CCDC178: variants seen among roughly 807,000 people sequenced by gnomAD.
CCDC178 encodes the protein coiled-coil domain containing 178.
In CCDC178, 126 loss-of-function variants were observed where a neutral mutation model predicts 117.4. The ratio of observed to expected loss-of-function variants is 1.07; its 90% CI spans 0.93 to 1.24. CCDC178 has a LOEUF of 1.24. Ranked by LOEUF, CCDC178 falls within the 50% of genes most tolerant of loss-of-function variation. CCDC178 has a pLI of 0.00. For missense variants in CCDC178, 1,030 were observed against 986.9 expected, an observed-to-expected ratio of 1.04 and a Z score of -0.59; for synonymous variants, 283 against 313.4, an observed-to-expected ratio of 0.90 and a Z score of 1.02.
At chr18:33,355,609 T>C (rs975267584) in intron 7 of CCDC178, among the ~76,000 whole-genome samples, 5 of 152,248 alleles carry the variant, frequency 3.3e-5, no homozygotes, top group Admixed American at 3.3e-4. Flanking sequence ...TCCAGTATAT[T>C]GAGAGATTTT....
chr18:33,346,168 C>A, intron 9 of CCDC178, 43 bp downstream of exon 9: 2 of 1,399,592 alleles, frequency 1.4e-6, no homozygotes, highest in Non-Finnish European at 2.0e-6. Context: ...ATTATCTGTG[C>A]CCCCAACAGA....
At chr18:33,386,715 C>G (rs568966826) in intron 5 of CCDC178, among the ~76,000 whole-genome samples, 24 of 152,058 alleles carry the variant, frequency 1.6e-4, no homozygotes, top group Non-Finnish European at 2.8e-4. Flanking sequence ...AGGAACATAC[C>G]TCAAAATAAT....
At chr18:32,975,462 C>A (rs1415069314) in intron 21 of CCDC178, among the ~76,000 whole-genome samples, 1 of 152,136 alleles carries the variant, frequency 6.6e-6, no homozygotes, top group African/African-American at 2.4e-5. Flanking sequence ...TTTATCAAAA[C>A]AATGTACATT....
At chr18:33,362,039 A>T (rs2063135589) in intron 6 of CCDC178, among the ~76,000 whole-genome samples, 1 of 151,812 alleles carries the variant, frequency 6.6e-6, no homozygotes, top group Non-Finnish European at 1.5e-5. Flanking sequence ...TAGCCAAGAT[A>T]TGGAAACAAC....
chr18:32,949,025 G>A (rs1471380899), intron 22 of CCDC178, among the ~76,000 whole-genome samples: 1 of 152,004 alleles, frequency 6.6e-6, no homozygotes, highest in East Asian at 1.9e-4. Flanking sequence ...TGTATAAAAT[G>A]CTAGAATGAC....
intron 20 of CCDC178, among the ~76,000 whole-genome samples, chr18:33,159,138 AT>A (rs1184836884): frequency 6.6e-6 from 1 of 152,092 alleles, no homozygotes; most frequent in Non-Finnish European, 1.5e-5. Context: ...ACAGTTATAC[AT>A]TTTTGGGCCA....
intron 5 of CCDC178, among the ~76,000 whole-genome samples, chr18:33,387,928 T>C (rs537814041): frequency 6.6e-6 from 1 of 152,208 alleles, no homozygotes; most frequent in South Asian, 2.1e-4. Context: ...ACAGGCAACC[T>C]ACAGAATGGG....
rs988464592 is a variant in CCDC178 at position 32,959,862 on chromosome 18, G to C, written c.2523+14685C>G. Among the ~76,000 whole-genome samples the C allele has an allele frequency of 4.6e-5, 7 of 151,780 alleles. No homozygotes were observed. In the East Asian group the frequency reaches 1.4e-3, roughly 29 times the overall value. On this transcript the variant is annotated intron_variant, in intron 22 of 22. Transcript: ENST00000383096. ...TTGAAAAATGTCCTGCTGGCATAGA[G>C]TGAATTAAAAAAAAATAAAAATGCT...
At chr18:33,181,037 C>T (rs1280349856) in intron 20 of CCDC178, among the ~76,000 whole-genome samples, 5 of 151,826 alleles carry the variant, frequency 3.3e-5, no homozygotes, top group Admixed American at 1.3e-4. Flanking sequence ...CCTAGTTCAG[C>T]GAATTTCCTT....
At chr18:33,264,474 C>G (rs774526452) in intron 14 of CCDC178, among the ~76,000 whole-genome samples, 2 of 151,938 alleles carry the variant, frequency 1.3e-5, no homozygotes, top group Non-Finnish European at 2.9e-5. Flanking sequence ...CTGTTCAGCA[C>G]CATGTAATCC....
At chr18:33,403,623 A>G (rs2063740888) in intron 3 of CCDC178, among the ~76,000 whole-genome samples, 1 of 152,206 alleles carries the variant, frequency 6.6e-6, no homozygotes, top group Non-Finnish European at 1.5e-5. Flanking sequence ...GTTTCTCTTA[A>G]AAGAAAAAGC....
At chr18:33,080,401 A>G in intron 21 of CCDC178, among the ~76,000 whole-genome samples, 1 of 152,070 alleles carries the variant, frequency 6.6e-6, no homozygotes, top group East Asian at 1.9e-4. Context: ...TGCACATGTA[A>G]CCCTGAACCT....
intron 11 of CCDC178, among the ~76,000 whole-genome samples, chr18:33,321,107 T>C (rs2062502523): frequency 6.6e-6 from 1 of 152,220 alleles, no homozygotes; most frequent in Admixed American, 6.5e-5. Flanking sequence ...GACTAATGAC[T>C]TAAATGTTAG....
intron 2 of CCDC178, among the ~76,000 whole-genome samples, chr18:33,417,019 T>A (rs1028613043): frequency 5.3e-5 from 8 of 152,202 alleles, no homozygotes; most frequent in African/African-American, 1.9e-4. Flanking sequence ...CAAAATGATG[T>A]AACCACTCTG....
chr18:32,961,501 A>G (rs990543389), intron 22 of CCDC178, among the ~76,000 whole-genome samples: 5 of 152,132 alleles, frequency 3.3e-5, no homozygotes, highest in Admixed American at 6.6e-5. Flanking sequence ...TGTCACTTAC[A>G]GACGATTTAA....
intron 20 of CCDC178, among the ~76,000 whole-genome samples, chr18:33,189,499 T>C (rs1392610001): frequency 2.0e-5 from 3 of 152,318 alleles, no homozygotes; most frequent in South Asian, 2.1e-4. Flanking sequence ...AACACAGATA[T>C]AGTATTAATG....
intron 22 of CCDC178, among the ~76,000 whole-genome samples, chr18:32,967,280 A>G (rs972022581): frequency 6.6e-6 from 1 of 151,386 alleles, no homozygotes. Context: ...AGATGTGCCA[A>G]TATTTCCCAT....
intron 21 of CCDC178, among the ~76,000 whole-genome samples, chr18:33,076,928 G>C (rs919900964): frequency 2.0e-5 from 3 of 152,126 alleles, no homozygotes; most frequent in Admixed American, 2.0e-4. Context: ...ATGTTCTGTT[G>C]TCTGAGACAA....
intron 21 of CCDC178, among the ~76,000 whole-genome samples, chr18:33,034,875 T>G (rs985968636): frequency 6.6e-6 from 1 of 152,028 alleles, no homozygotes; most frequent in East Asian, 1.9e-4. Context: ...ATCTGTACAT[T>G]ACACACTCAT....
Sources: gnomAD v4.1 joint callset for allele counts (sites outside exome capture counted in the v4.1 genomes callset) on GRCh38, gnomAD v4.1.1 for gene constraint, MANE v1.5 for transcripts, NCBI Gene and HGNC (gene_info 2026-07-23, HGNC 2026-07-21) for gene names.